The following GPHN variants were observed in gnomAD, a reference collection of about 807,000 sequenced individuals.
The protein encoded by GPHN is gephyrin.
Under a neutral mutation model 95.5 loss-of-function variants are expected in GPHN, and 17 were observed. The ratio of observed to expected loss-of-function variants is 0.18; its 90% CI spans 0.12 to 0.27. GPHN has a LOEUF of 0.27. Ranked by LOEUF, GPHN falls within the 10% of genes least tolerant of loss-of-function variation. GPHN has a pLI of 1.00. For missense variants in GPHN, 660 were observed against 978.1 expected (o/e 0.67, Z 4.34); for synonymous variants, 320 against 322.5 (o/e 0.99, Z 0.08).
At chr14:67,290,831 G>C in the GPHN span, among the ~76,000 whole-genome samples, 1 of 152,050 alleles carries the variant, frequency 6.6e-6, no homozygotes, top group Non-Finnish European at 1.5e-5. Context: ...CACTGCGCCT[G>C]GCCAGGAATG....
intron 21 of GPHN, among the ~76,000 whole-genome samples, chr14:67,174,567 A>T (rs559759584): frequency 6.6e-6 from 1 of 152,316 alleles, no homozygotes; most frequent in South Asian, 2.1e-4. Flanking sequence ...TTATAGTAGA[A>T]TAATCTATAA....
At chr14:67,521,706 G>A in the GPHN span, among the ~76,000 whole-genome samples, 1 of 152,286 alleles carries the variant, frequency 6.6e-6, no homozygotes, top group Non-Finnish European at 1.5e-5. Context: ...CACTAAGACA[G>A]CCCTGAAAAT....
chr14:66,545,055 G>A (rs976391971), intron 1 of GPHN, among the ~76,000 whole-genome samples: 3 of 152,192 alleles, frequency 2.0e-5, no homozygotes, highest in Admixed American at 6.5e-5. Flanking sequence ...CCACAAAACC[G>A]CCATTGTCAT....
chr14:67,023,579 T>C, intron 9 of GPHN, 54 bp from the exon 10 acceptor site: 3 of 1,419,744 alleles, frequency 2.1e-6, no homozygotes, highest in South Asian at 2.3e-5. Context: ...AATATGCATA[T>C]CTGCCTATTC....
chr14:67,587,266 C>G, the GPHN span: 2 of 1,611,942 alleles, frequency 1.2e-6, no homozygotes, highest in East Asian at 2.2e-5. Flanking sequence ...CCCAACACCA[C>G]TAGTGCCTCT....
intron 3 of GPHN, among the ~76,000 whole-genome samples, chr14:66,777,862 A>G (rs1285275064): frequency 2.0e-5 from 3 of 152,144 alleles, no homozygotes; most frequent in African/African-American, 7.2e-5. Context: ...CCAACAGCCA[A>G]TATCATACTG....
At position 67,123,793 on chromosome 14, in the gene GPHN, A is replaced by G. The variant is rs139305918; in HGVS notation, c.1748+1416A>G. 6.8e-3 allele frequency among the ~76,000 whole-genome samples: 1,030 copies of G among 152,170 alleles called. 11 individuals are homozygous for G. Among genetic ancestry groups the G allele is most frequent in the Non-Finnish European group, 7.9e-3 (539 of 68,002 alleles). On this transcript the variant is annotated intron_variant, in intron 17 of 22. Transcript: ENST00000478722. ...AATTCATAAACTTTCTTAAAACATT[A>G]TGAGATTTTTTTGCGATTTTTTTTT...
intron 2 of GPHN, among the ~76,000 whole-genome samples, chr14:66,756,714 AC>A (rs1474313345): frequency 6.6e-6 from 1 of 152,236 alleles, no homozygotes; most frequent in African/African-American, 2.4e-5. Context: ...AGAGATGGTT[AC>A]AAAATTAAGA....
intron 1 of GPHN, among the ~76,000 whole-genome samples, chr14:66,616,423 GTTT>G (rs1380525387): frequency 7.1e-6 from 1 of 140,060 alleles, no homozygotes; most frequent in African/African-American, 3.0e-5. Flanking sequence ...GTTTCTTTGT[GTTT>G]TGTTGTTGTT....
intron 8 of GPHN, among the ~76,000 whole-genome samples, chr14:66,928,640 T>C (rs1224753326): frequency 6.6e-6 from 1 of 152,160 alleles, no homozygotes; most frequent in African/African-American, 2.4e-5. Flanking sequence ...TTCTACTTTT[T>C]TGATGTAGGT....
chr14:67,282,349 C>T, the GPHN span, among the ~76,000 whole-genome samples: 1 of 152,030 alleles, frequency 6.6e-6, no homozygotes, highest in South Asian at 2.1e-4. Context: ...GAAACAGCAA[C>T]CTTATTTTAA....
the GPHN span, among the ~76,000 whole-genome samples, chr14:67,549,671 G>A: frequency 1.6e-4 from 24 of 152,282 alleles, no homozygotes; most frequent in Non-Finnish European, 3.1e-4. Flanking sequence ...TGTAGTGCTC[G>A]TGAACCATTT....
chr14:67,575,876 A>G, the GPHN span: 8 of 1,613,946 alleles, frequency 5.0e-6, no homozygotes, highest in Admixed American at 6.7e-5. Flanking sequence ...AAGTAGATCG[A>G]TCCTGTGACT....
At chr14:66,999,530 A>C (rs1257534892) in intron 9 of GPHN, among the ~76,000 whole-genome samples, 2 of 151,760 alleles carry the variant, frequency 1.3e-5, no homozygotes, top group Non-Finnish European at 3.0e-5. Context: ...CCTATGCCTT[A>C]TTTAATTATA....
At chr14:66,573,994 A>T (rs866010580) in intron 1 of GPHN, among the ~76,000 whole-genome samples, 2 of 152,164 alleles carry the variant, frequency 1.3e-5, no homozygotes, top group Non-Finnish European at 2.9e-5. Flanking sequence ...TGATTCAGGA[A>T]TCAGTCCATT....
chr14:67,658,650 G>C, the GPHN span, among the ~76,000 whole-genome samples: 1 of 152,128 alleles, frequency 6.6e-6, no homozygotes, highest in Non-Finnish European at 1.5e-5. Context: ...AAATTGTTTG[G>C]ACTTCCTCCC....
the GPHN span, among the ~76,000 whole-genome samples, chr14:67,285,277 C>T: frequency 6.6e-6 from 1 of 152,094 alleles, no homozygotes; most frequent in South Asian, 2.1e-4. Context: ...GGGTATAGGT[C>T]CCTAGAAGCT....
chr14:66,913,754 A>G (rs1287495000), intron 5 of GPHN, among the ~76,000 whole-genome samples: 1 of 152,124 alleles, frequency 6.6e-6, no homozygotes, highest in Non-Finnish European at 1.5e-5. Context: ...CTTCTTAAGC[A>G]TTTGGGTTGC....
chr14:67,306,232 A>G, the GPHN span, among the ~76,000 whole-genome samples: 25 of 151,264 alleles, frequency 1.7e-4, no homozygotes, highest in Admixed American at 3.3e-4. Context: ...GGCCTCCCAA[A>G]GTGCTGGGAT....
Sources: gnomAD v4.1 joint callset for allele counts (sites outside exome capture counted in the v4.1 genomes callset) on GRCh38, gnomAD v4.1.1 for gene constraint, MANE v1.5 for transcripts, NCBI Gene and HGNC (gene_info 2026-07-23, HGNC 2026-07-21) for gene names.